The following NUBPL variants were observed in gnomAD, a reference collection of about 807,000 sequenced individuals.
The protein encoded by NUBPL is NUBP iron-sulfur cluster assembly factor, mitochondrial.
NUBPL carries 31 observed loss-of-function variants against 45.7 expected under a neutral mutation model. The ratio of observed to expected loss-of-function variants is 0.68; its 90% CI spans 0.51 to 0.92. The LOEUF (loss-of-function observed/expected upper bound fraction) is 0.92. Among genes scored for constraint, NUBPL ranks in the 40% least tolerant of loss-of-function variants. NUBPL has a pLI of 0.00. For synonymous variants in NUBPL, 144 were observed against 140.9 expected (o/e 1.02, Z -0.15); for missense variants, 401 against 398.7 (o/e 1.01, Z -0.05).
intron 10 of NUBPL, among the ~76,000 whole-genome samples, chr14:31,852,658 C>A (rs936092154): frequency 6.6e-6 from 1 of 152,068 alleles, no homozygotes; most frequent in Non-Finnish European, 1.5e-5. Context: ...GCAAAAAGAG[C>A]AAAACTCCGT....
At chr14:31,762,118 G>C (rs866838974) in intron 6 of NUBPL, among the ~76,000 whole-genome samples, 19 of 152,254 alleles carry the variant, frequency 1.2e-4, no homozygotes, top group African/African-American at 4.1e-4. Flanking sequence ...AAATTTGCAG[G>C]TTCTTCAGAG....
intron 6 of NUBPL, among the ~76,000 whole-genome samples, chr14:31,704,292 G>A (rs1011296092): frequency 1.3e-5 from 2 of 152,110 alleles, no homozygotes; most frequent in Non-Finnish European, 2.9e-5. Context: ...TTAGAAGCCT[G>A]CCTCTTGGGT....
intron 3 of NUBPL, among the ~76,000 whole-genome samples, chr14:31,573,231 G>T (rs577247635): frequency 1.3e-5 from 2 of 152,300 alleles, no homozygotes; most frequent in South Asian, 2.1e-4. Context: ...TGTCACCACC[G>T]TTGTATATGC....
chr14:31,789,788 A>G (rs2039345849), intron 7 of NUBPL, among the ~76,000 whole-genome samples: 1 of 152,138 alleles, frequency 6.6e-6, no homozygotes, highest in Admixed American at 6.5e-5. Flanking sequence ...CTGTTTTAAC[A>G]TATTTGTAAT....
chr14:31,690,773 A>C (rs2037075321), intron 6 of NUBPL, among the ~76,000 whole-genome samples: 1 of 152,218 alleles, frequency 6.6e-6, no homozygotes, highest in African/African-American at 2.4e-5. Context: ...GAAGGGTTTC[A>C]GATATGCACC....
intron 6 of NUBPL, among the ~76,000 whole-genome samples, chr14:31,706,903 T>A (rs1001878193): frequency 6.6e-6 from 1 of 152,238 alleles, no homozygotes; most frequent in Non-Finnish European, 1.5e-5. Flanking sequence ...TCAGTCCATA[T>A]TAACTTAAAA....
At chr14:31,716,357 G>A (rs991836540) in intron 6 of NUBPL, among the ~76,000 whole-genome samples, 2 of 152,144 alleles carry the variant, frequency 1.3e-5, no homozygotes, top group African/African-American at 4.8e-5. Flanking sequence ...ATTATGTACT[G>A]TACCTAATTG....
intron 6 of NUBPL, 99 bp from the exon 7 acceptor site, chr14:31,787,681 G>C (rs1358284143): frequency 3.7e-6 from 3 of 817,910 alleles, no homozygotes; most frequent in Non-Finnish European, 6.3e-6. Context: ...TCAAGCGATA[G>C]CTATGATTTT....
chr14:31,662,776 G>A (rs2036306117), intron 4 of NUBPL, among the ~76,000 whole-genome samples: 1 of 152,154 alleles, frequency 6.6e-6, no homozygotes, highest in Non-Finnish European at 1.5e-5. Flanking sequence ...ATATCCATGT[G>A]CATGTGTCTT....
intron 7 of NUBPL, among the ~76,000 whole-genome samples, chr14:31,823,138 G>A (rs1268379123): frequency 1.3e-5 from 2 of 152,016 alleles, no homozygotes; most frequent in African/African-American, 2.4e-5. Flanking sequence ...ATCAAAACCA[G>A]AATCTGGAGC....
chr14:31,826,687 T>C lies in NUBPL; in HGVS notation c.666T>C (p.Ala222=). 8 of 1,614,114 alleles carry C rather than the reference T, an allele frequency of 5.0e-6. No homozygotes were observed. The highest frequency in any genetic ancestry group is 6.8e-6 in the Non-Finnish European group (8 of 1,179,944). ...DIALMDAHKG[A]EMFRRVHVPV... ...CATTGATGGATGCACACAAGGGTGC[T>C]GAGATGTTTCGCAGAGTCCACGTGC... The change falls in exon 8 of 11, where the codon GCT becomes GCC. Residue 222 remains alanine (A), a synonymous_variant. Coordinates refer to ENST00000281081, the MANE Select transcript of NUBPL (RefSeq NM_025152.3).
At chr14:31,834,446 T>G (rs1333429760) in intron 8 of NUBPL, among the ~76,000 whole-genome samples, 1 of 152,164 alleles carries the variant, frequency 6.6e-6, no homozygotes, top group Non-Finnish European at 1.5e-5. Flanking sequence ...CCCAAAGTGC[T>G]GGGATTACAG....
intron 6 of NUBPL, among the ~76,000 whole-genome samples, chr14:31,783,605 C>T (rs563854801): frequency 1.3e-5 from 2 of 150,110 alleles, no homozygotes; most frequent in Admixed American, 1.3e-4. Flanking sequence ...GCAACCTCTG[C>T]CTGTTGGGTT....
At chr14:31,570,443 A>G (rs988793633) in intron 3 of NUBPL, among the ~76,000 whole-genome samples, 14 of 152,212 alleles carry the variant, frequency 9.2e-5, no homozygotes, top group Non-Finnish European at 2.1e-4. Flanking sequence ...ATAGTAGTAA[A>G]TCTGCCCAAG....
intron 6 of NUBPL, among the ~76,000 whole-genome samples, chr14:31,750,375 A>AT (rs1218694753): frequency 2.6e-4 from 34 of 130,218 alleles, no homozygotes; most frequent in African/African-American, 2.9e-4. Flanking sequence ...TATTTTTTTT[A>AT]TTTTTTTTTA....
intron 6 of NUBPL, among the ~76,000 whole-genome samples, chr14:31,698,454 A>T (rs2037261949): frequency 6.6e-6 from 1 of 151,626 alleles, no homozygotes; most frequent in Admixed American, 6.6e-5. Context: ...CTCATCACTG[A>T]CTTTATTTTC....
intron 6 of NUBPL, among the ~76,000 whole-genome samples, chr14:31,690,877 A>T (rs144488300): frequency 1.3e-5 from 2 of 152,350 alleles, no homozygotes; most frequent in East Asian, 3.9e-4. Context: ...GTGCCAGACG[A>T]TGAGGAAGAA....
At chr14:31,562,344 T>C (rs1397707053) in intron 2 of NUBPL, 129 bp downstream of exon 2, 1 of 924,478 alleles carries the variant, frequency 1.1e-6, no homozygotes, top group Non-Finnish European at 1.6e-6. Flanking sequence ...TTCCTTAGTT[T>C]CAGGAGTTGG....
intron 8 of NUBPL, among the ~76,000 whole-genome samples, chr14:31,831,114 G>T (rs1233103141): frequency 6.6e-6 from 1 of 151,680 alleles, no homozygotes; most frequent in Non-Finnish European, 1.5e-5. Flanking sequence ...TGTGATCTCG[G>T]CTCACTGCAA....
Sources: allele counts gnomAD v4.1 joint callset (sites outside exome capture counted in the v4.1 genomes callset), GRCh38; gene constraint gnomAD v4.1.1; transcripts MANE v1.5; gene names NCBI Gene and HGNC (gene_info 2026-07-23, HGNC 2026-07-21).